The following EYS variants were observed in gnomAD, a reference collection of about 807,000 sequenced individuals.
EYS encodes the protein protein eyes shut homolog.
Under a neutral mutation model 282.1 loss-of-function variants are expected in EYS, and 250 were observed. The observed-to-expected ratio is 0.89, with a 90% CI of 0.80 to 0.98. The LOEUF (loss-of-function observed/expected upper bound fraction) is 0.98, where lower values mean the gene tolerates loss of function less well. EYS is among the 50% of genes least tolerant of loss of function. The pLI is 0.00. For missense variants in EYS, 4,016 were observed against 3,709.0 expected (o/e 1.08, Z -2.15); for synonymous variants, 1,355 against 1,282.9 (o/e 1.06, Z -1.20).
intron 5 of EYS, among the ~76,000 whole-genome samples, chr6:65,444,795 T>G (rs1319368678): frequency 6.6e-6 from 1 of 152,084 alleles, no homozygotes; most frequent in Non-Finnish European, 1.5e-5. Flanking sequence ...TTCCTTTATT[T>G]CACAGAAAAG....
chr6:65,669,032 A>T (rs1175845187), intron 1 of EYS, among the ~76,000 whole-genome samples: 1 of 152,000 alleles, frequency 6.6e-6, no homozygotes, highest in Non-Finnish European at 1.5e-5. Context: ...GATTCTAAGA[A>T]AATTTAAATG....
intron 11 of EYS, among the ~76,000 whole-genome samples, chr6:65,327,702 A>G (rs1226992628): frequency 6.6e-6 from 1 of 151,592 alleles, no homozygotes; most frequent in South Asian, 2.1e-4. Flanking sequence ...TAAAAAGTAT[A>G]AGAGACCACT....
intron 14 of EYS, among the ~76,000 whole-genome samples, chr6:64,992,364 T>A (rs925846589): frequency 6.6e-6 from 1 of 151,902 alleles, no homozygotes; most frequent in African/African-American, 2.4e-5. Flanking sequence ...CTTCAAATGC[T>A]GTCTCTGCTC....
chr6:65,485,534 G>T (rs970614877), intron 5 of EYS, among the ~76,000 whole-genome samples: 1 of 152,206 alleles, frequency 6.6e-6, no homozygotes, highest in Non-Finnish European at 1.5e-5. Flanking sequence ...GCTGTGCGTG[G>T]TGGCTCACTC....
At chr6:64,918,917 A>C (rs2150080235) in intron 15 of EYS, among the ~76,000 whole-genome samples, 1 of 152,362 alleles carries the variant, frequency 6.6e-6, no homozygotes, top group South Asian at 2.1e-4. Context: ...ATAAAAATTC[A>C]AGTACCATTC....
intron 29 of EYS, among the ~76,000 whole-genome samples, chr6:64,382,349 C>A (rs182889121): frequency 6.6e-6 from 1 of 152,120 alleles, no homozygotes; most frequent in Non-Finnish European, 1.5e-5. Flanking sequence ...AACTTGGTAA[C>A]CTTCCCTACA....
Position 65,295,923 on chromosome 6 carries a change from C to T in EYS, c.1963G>A (p.Gly655Arg). ...CCCCTTAAATGTGTACTAGTTGTTC[C>T]ATTTTTGCAGGACGCAGATTTGCAG... Reference protein sequence around the residue: ...EDCKSASCKNGTTSTHLRGYF... With the variant: ...EDCKSASCKNRTTSTHLRGYF... The change falls in exon 12 of 43, where the codon GGA becomes AGA. Residue 655 changes from glycine (G) to arginine (R), a missense_variant. Gly to Arg is a moderately radical substitution (Grantham distance 125, BLOSUM62 -2). Coordinates refer to ENST00000503581, the MANE Select transcript of EYS (RefSeq NM_001142800.2). 6.4e-7 allele frequency: 1 copy of T among 1,550,904 alleles called. No individual in the cohort carries two copies. Among genetic ancestry groups the T allele is most frequent in the Non-Finnish European group, 8.7e-7 (1 of 1,146,464 alleles).
intron 1 of EYS, among the ~76,000 whole-genome samples, chr6:65,695,368 G>A (rs1769410424): frequency 6.6e-6 from 1 of 152,066 alleles, no homozygotes; most frequent in Admixed American, 6.6e-5. Flanking sequence ...AAGGTATATG[G>A]CTAGTGAAGA....
In EYS at chr6:64,745,319, A is replaced by G. The variant is rs74988301; in HGVS notation, c.3443+68059T>C. On this transcript the variant is annotated intron_variant, in intron 22 of 42. Transcript: ENST00000503581. ...AATGTCAATATACAAAATGGCAGTCATTTATGGGCTTAGTAGGTGAATAGT... is the reference window on the plus strand; with the variant it reads ...AATGTCAATATACAAAATGGCAGTCGTTTATGGGCTTAGTAGGTGAATAGT... Among the ~76,000 whole-genome samples the G allele has an allele frequency of 4.7e-3, 714 of 152,324 alleles. 2 individuals are homozygous for G. The highest frequency in any genetic ancestry group is 0.016 in the African/African-American group (677 of 41,594).
At chr6:64,161,061 A>AGTTACCTTAATGAATTGGCACAAAACAT (rs1775091644) in intron 31 of EYS, among the ~76,000 whole-genome samples, 2 of 152,228 alleles carry the variant, frequency 1.3e-5, no homozygotes, top group Non-Finnish European at 2.9e-5. Context: ...CTAAATGTAC[A>AGTTACCTTAATGAATTGGCACAAAACAT]GTTACCTTAA....
At chr6:64,456,551 T>C (rs1775564810) in intron 26 of EYS, among the ~76,000 whole-genome samples, 2 of 152,108 alleles carry the variant, frequency 1.3e-5, no homozygotes, top group Admixed American at 1.3e-4. Flanking sequence ...GGTTGTTATG[T>C]TATACTATAT....
chr6:64,798,001 T>G (rs1257303764), intron 22 of EYS, among the ~76,000 whole-genome samples: 2 of 151,868 alleles, frequency 1.3e-5, no homozygotes, highest in Admixed American at 1.3e-4. Context: ...CCTAGATATA[T>G]ATACATATAT....
chr6:64,092,828 C>T (rs956410184), intron 31 of EYS, among the ~76,000 whole-genome samples: 4 of 151,614 alleles, frequency 2.6e-5, no homozygotes, highest in Non-Finnish European at 4.4e-5. Context: ...AGTCCTTGCC[C>T]ATGCCTATGT....
chr6:63,873,533 G>A (rs533899637), intron 35 of EYS, among the ~76,000 whole-genome samples: 1 of 152,252 alleles, frequency 6.6e-6, no homozygotes, highest in East Asian at 1.9e-4. Context: ...TGGGATCGTT[G>A]GGTCAAATGG....
At chr6:64,068,262 C>G (rs571950428) in intron 32 of EYS, among the ~76,000 whole-genome samples, 51 of 152,132 alleles carry the variant, frequency 3.4e-4, no homozygotes, top group African/African-American at 1.2e-3. Flanking sequence ...TTTTGATATA[C>G]TCTGTTGTGA....
chr6:65,670,786 T>G lies in EYS; in HGVS notation c.-447-30894A>C, dbSNP rs147665027. ...TCGACACTAGAATATTTTCTCTTCA[T>G]CATTCCATATTTAAAAACATTTATT... On this transcript the variant is annotated intron_variant, in intron 1 of 42. Transcript: ENST00000503581. Among the ~76,000 whole-genome samples the G allele has an allele frequency of 3.0e-3, 454 of 152,226 alleles. 3 individuals are homozygous for G. The highest frequency in any genetic ancestry group is 0.01 in the African/African-American group (434 of 41,564).
At chr6:64,572,392 G>A (rs1271918647) in intron 26 of EYS, among the ~76,000 whole-genome samples, 2 of 151,366 alleles carry the variant, frequency 1.3e-5, no homozygotes, top group Non-Finnish European at 3.0e-5. Context: ...CTCTCACCAA[G>A]TTCTGGCCAG....
chr6:65,086,523 A>G (rs1407928845), intron 12 of EYS, among the ~76,000 whole-genome samples: 1 of 152,166 alleles, frequency 6.6e-6, no homozygotes, highest in African/African-American at 2.4e-5. Flanking sequence ...AATGGGAATG[A>G]AAAGGGAATG....
chr6:65,686,328 G>C (rs1377433568), intron 1 of EYS, among the ~76,000 whole-genome samples: 4 of 151,944 alleles, frequency 2.6e-5, no homozygotes, highest in Non-Finnish European at 4.4e-5. Context: ...TCTAATATGG[G>C]ACAGAAAAGA....
Sources: gnomAD v4.1 joint callset for allele counts (sites outside exome capture counted in the v4.1 genomes callset) on GRCh38, gnomAD v4.1.1 for gene constraint, MANE v1.5 for transcripts, NCBI Gene and HGNC (gene_info 2026-07-23, HGNC 2026-07-21) for gene names.